The following C2CD5 variants were observed in gnomAD, a reference collection of about 807,000 sequenced individuals.
The protein encoded by C2CD5 is C2 domain-containing protein 5.
A neutral mutation model predicts 130.3 loss-of-function variants in C2CD5; 109 were observed. The ratio of observed to expected loss-of-function variants is 0.84; its 90% CI spans 0.72 to 0.98. C2CD5 has a LOEUF of 0.98. Ranked by LOEUF, C2CD5 falls within the 50% of genes least tolerant of loss-of-function variation. The pLI is 0.00. For missense variants in C2CD5, 996 were observed against 1,261.8 expected (o/e 0.79, Z 3.19); for synonymous variants, 454 against 429.2 (o/e 1.06, Z -0.71).
At chr12:22,472,187 T>C (rs933660533) in intron 18 of C2CD5, 99 bp downstream of exon 18, 3 of 876,142 alleles carry the variant, frequency 3.4e-6, no homozygotes, top group African/African-American at 3.5e-5. Context: ...GGTATTTTAA[T>C]TGCAATAAGG....
chr12:22,536,688 A>G (rs1951844102), intron 2 of C2CD5, among the ~76,000 whole-genome samples: 1 of 152,230 alleles, frequency 6.6e-6, no homozygotes, highest in Non-Finnish European at 1.5e-5. Flanking sequence ...GAATAGATTA[A>G]CATAAGCCAA....
intron 9 of C2CD5, among the ~76,000 whole-genome samples, chr12:22,509,418 ACTAG>A (rs1206540893): frequency 6.6e-6 from 1 of 152,198 alleles, no homozygotes; most frequent in African/African-American, 2.4e-5. Flanking sequence ...CAAGCATTGT[ACTAG>A]AGCTGGTCAG....
In C2CD5 at chr12:22,513,360, A is replaced by G. The variant is rs771882734; in HGVS notation, c.972T>C (p.Ala324=). ...TPKTGMGSGS[A]GKEGGPFKAL... ...CTTTAAAGGGCCCCCCTTCTTTTCC[A>G]GCACTACCACTTCCCATTCCTACAG... The change falls in exon 9 of 27, where the codon GCT becomes GCC. Residue 324 remains alanine, a synonymous_variant. Coordinates refer to ENST00000446597, the MANE Select transcript of C2CD5 (RefSeq NM_001286176.2). 6.2e-7 allele frequency: 1 copy of G among 1,610,936 alleles called. No individual in the cohort carries two copies. The highest frequency in any genetic ancestry group is 1.1e-5 in the South Asian group (1 of 91,006).
chr12:22,491,786 C>T (rs1465981843), intron 11 of C2CD5, among the ~76,000 whole-genome samples: 1 of 151,094 alleles, frequency 6.6e-6, no homozygotes, highest in African/African-American at 2.4e-5. Flanking sequence ...GTGGGAGAAT[C>T]ACTTGAACCC....
chr12:22,541,190 C>T (rs1009018028), intron 2 of C2CD5, among the ~76,000 whole-genome samples: 3 of 152,150 alleles, frequency 2.0e-5, no homozygotes, highest in Non-Finnish European at 2.9e-5. Context: ...TTTACCATCC[C>T]CCTGGAGTAT....
At chr12:22,469,306 A>G (rs1467420375) in intron 22 of C2CD5, among the ~76,000 whole-genome samples, 5 of 149,270 alleles carry the variant, frequency 3.3e-5, no homozygotes, top group Non-Finnish European at 6.0e-5. Flanking sequence ...TATCTTCTGG[A>G]AAAAAAAAAG....
chr12:22,512,243 A>C lies in C2CD5; in HGVS notation c.1038+1051T>G, dbSNP rs183892318. Among the ~76,000 whole-genome samples the C allele has an allele frequency of 4.6e-5, 7 of 152,344 alleles. No homozygotes were observed. In the East Asian group the frequency reaches 1.4e-3, roughly 29 times the overall value. ...GCATAAGGAGGGAAAAGTCTAGAAA[A>C]TAAATCGTACCAACCTCTAGAGGAG... On this transcript the variant is annotated intron_variant, in intron 9 of 26. Transcript: ENST00000446597.
At chr12:22,512,133 A>C (rs1230511766) in intron 9 of C2CD5, among the ~76,000 whole-genome samples, 2 of 152,200 alleles carry the variant, frequency 1.3e-5, no homozygotes, top group Non-Finnish European at 2.9e-5. Flanking sequence ...GAAGCAAAAA[A>C]TGAGCTAAAG....
At chr12:22,479,900 CAGAAA>C (rs1271209494) in intron 14 of C2CD5, among the ~76,000 whole-genome samples, 3 of 151,996 alleles carry the variant, frequency 2.0e-5, no homozygotes, top group African/African-American at 4.8e-5. Flanking sequence ...GAATGGGAAA[CAGAAA>C]AGAATTCTTT....
intron 11 of C2CD5, among the ~76,000 whole-genome samples, chr12:22,492,411 A>C (rs2136460530): frequency 6.6e-6 from 1 of 152,322 alleles, no homozygotes; most frequent in South Asian, 2.1e-4. Context: ...AAAAACGTTA[A>C]GTTGTGATCT....
At chr12:22,496,938 T>A (rs1947095032) in intron 10 of C2CD5, among the ~76,000 whole-genome samples, 1 of 152,082 alleles carries the variant, frequency 6.6e-6, no homozygotes. Flanking sequence ...CAGCTCGATA[T>A]CTTGCCATCT....
intron 8 of C2CD5, among the ~76,000 whole-genome samples, chr12:22,517,664 C>T (rs1949870504): frequency 6.6e-6 from 1 of 152,114 alleles, no homozygotes; most frequent in South Asian, 2.1e-4. Context: ...TTGCAAGCCA[C>T]TAGTGTTACT....
chr12:22,520,450 T>C (rs1950172296), intron 7 of C2CD5, among the ~76,000 whole-genome samples: 1 of 152,166 alleles, frequency 6.6e-6, no homozygotes, highest in Non-Finnish European at 1.5e-5. Flanking sequence ...TATGAAAATA[T>C]TACTGATTTT....
At position 22,533,167 on chromosome 12, in the gene C2CD5, G is replaced by A. The variant is rs113350115; in HGVS notation, c.177+2091C>T. ...AAAGATGTTTAACTTGGGAAGGGGGGGTGGTGGGTAGAATGGGAGAATGTA... is the reference window on the plus strand; with the variant it reads ...AAAGATGTTTAACTTGGGAAGGGGGAGTGGTGGGTAGAATGGGAGAATGTA... On this transcript the variant is annotated intron_variant, in intron 3 of 26. Transcript: ENST00000446597. 9.1e-3 allele frequency among the ~76,000 whole-genome samples: 1,380 copies of A among 152,244 alleles called. 29 individuals are homozygous for A. The highest frequency in any genetic ancestry group is 0.031 in the African/African-American group (1,306 of 41,524).
rs1285300953 is a variant in C2CD5, at chr12:22,484,749, C to G, written c.1498G>C (p.Asp500His). The part of the protein sequence containing the change: ...KVPDVLFTTI[D>H]LPTDATVIGK... Reference sequence around the variant, plus strand: ...ATAACTGTTGCATCTGTTGGGAGGTCTATAGTTGTAAACAGAACATCAGGA... The same window carrying G: ...ATAACTGTTGCATCTGTTGGGAGGTGTATAGTTGTAAACAGAACATCAGGA... Residue 500 changes from aspartate to histidine, a missense_variant, in exon 13 of 27, where the codon GAC (aspartate) becomes CAC (histidine). By Grantham distance (81) the Asp-to-His change is moderately conservative. Transcript: ENST00000446597. 6.2e-7 allele frequency: 1 copy of G among 1,606,302 alleles called. No individual in the cohort carries two copies. Among genetic ancestry groups the G allele is most frequent in the East Asian group, 2.2e-5 (1 of 44,576 alleles).
chr12:22,503,313 G>T (rs909438698), intron 10 of C2CD5, among the ~76,000 whole-genome samples: 1 of 152,158 alleles, frequency 6.6e-6, no homozygotes, highest in Non-Finnish European at 1.5e-5. Context: ...GAGGAACTCA[G>T]TGTCACAAAA....
At chr12:22,482,485 T>G in intron 14 of C2CD5, 72 bp downstream of exon 14, 1 of 1,276,366 alleles carries the variant, frequency 7.8e-7, no homozygotes, top group South Asian at 1.4e-5. Context: ...AAAAGACTAT[T>G]TGAATCACAT....
At chr12:22,514,597 A>G (rs562243304) in intron 8 of C2CD5, among the ~76,000 whole-genome samples, 2 of 152,258 alleles carry the variant, frequency 1.3e-5, no homozygotes, top group Admixed American at 1.3e-4. Flanking sequence ...TTCAAACAGA[A>G]TAATTTACTA....
chr12:22,511,932 T>C (rs1949242042), intron 9 of C2CD5, among the ~76,000 whole-genome samples: 1 of 152,164 alleles, frequency 6.6e-6, no homozygotes. Flanking sequence ...AAGAGCATTC[T>C]GGCCTAAAAA....
Sources: gnomAD v4.1 joint callset for allele counts (sites outside exome capture counted in the v4.1 genomes callset) on GRCh38, gnomAD v4.1.1 for gene constraint, MANE v1.5 for transcripts, NCBI Gene and HGNC (gene_info 2026-07-23, HGNC 2026-07-21) for gene names.